IGSF10: variants seen among roughly 807,000 people sequenced by gnomAD.
IGSF10 encodes the protein immunoglobulin superfamily member 10.
In IGSF10, 126 loss-of-function variants were observed where a neutral mutation model predicts 128.2. The ratio of observed to expected loss-of-function variants is 0.98; its 90% CI spans 0.85 to 1.14. The LOEUF is 1.14. Among genes scored for constraint, IGSF10 ranks in the 50% most tolerant of loss-of-function variants. The probability of loss-of-function intolerance (pLI) is 0.00; values close to 1 mark genes in which losing one functional copy is unlikely to be tolerated. For missense variants in IGSF10, 3,295 were observed against 3,149.8 expected, an observed-to-expected ratio of 1.05 and a Z score of -1.10; for synonymous variants, 1,185 against 1,146.2, an observed-to-expected ratio of 1.03 and a Z score of -0.68.
chr3:151,562,605 GGAAGTACCTTCTA>G, the IGSF10 span, among the ~76,000 whole-genome samples: 1 of 152,008 alleles, frequency 6.6e-6, no homozygotes, highest in African/African-American at 2.4e-5. Context: ...CTCATTTTAA[GGAAGTACCTTCTA>G]AAGGTACTTC....
chr3:151,539,880 G>A, the IGSF10 span, among the ~76,000 whole-genome samples: 7 of 151,494 alleles, frequency 4.6e-5, no homozygotes, highest in Non-Finnish European at 8.8e-5. Context: ...TCTGTCATTC[G>A]TCTGTCTGTT....
At chr3:151,589,958 T>G in the IGSF10 span, among the ~76,000 whole-genome samples, 1 of 151,476 alleles carries the variant, frequency 6.6e-6, no homozygotes, top group Admixed American at 6.6e-5. Flanking sequence ...AAGAGTTTAC[T>G]TTTTTTTTAA....
At chr3:151,473,721 G>A in the IGSF10 span, among the ~76,000 whole-genome samples, 5 of 152,144 alleles carry the variant, frequency 3.3e-5, no homozygotes, top group Admixed American at 2.6e-4. Context: ...AATGTAACTA[G>A]GGGGCCCTTT....
chr3:151,570,916 G>T, the IGSF10 span, among the ~76,000 whole-genome samples: 8 of 152,122 alleles, frequency 5.3e-5, no homozygotes, highest in African/African-American at 1.9e-4. Flanking sequence ...TTTGTATAAG[G>T]TGTAAGGAAG....
chr3:151,475,027 C>T, the IGSF10 span, among the ~76,000 whole-genome samples: 1 of 152,270 alleles, frequency 6.6e-6, no homozygotes, highest in African/African-American at 2.4e-5. Context: ...TATTAAGGAG[C>T]ATGTCTTAGG....
At chr3:151,453,064 C>T (rs144143660) in intron 5 of IGSF10, among the ~76,000 whole-genome samples, 12 of 152,078 alleles carry the variant, frequency 7.9e-5, no homozygotes, top group African/African-American at 2.9e-4. Context: ...GAGGATAGGC[C>T]AGCACCACAC....
the IGSF10 span, among the ~76,000 whole-genome samples, chr3:151,608,889 G>A: frequency 6.6e-6 from 1 of 152,188 alleles, no homozygotes; most frequent in Non-Finnish European, 1.5e-5. Flanking sequence ...TTAGATCACT[G>A]ATTCAAAATT....
the IGSF10 span, among the ~76,000 whole-genome samples, chr3:151,483,595 A>G: frequency 6.6e-6 from 1 of 152,132 alleles, no homozygotes; most frequent in African/African-American, 2.4e-5. Context: ...TGATTTCTAT[A>G]TTTCTAACTG....
chr3:151,561,274 T>G, the IGSF10 span, among the ~76,000 whole-genome samples: 5 of 152,310 alleles, frequency 3.3e-5, no homozygotes, highest in Middle Eastern at 3.4e-3. Flanking sequence ...TGTTTCTTGC[T>G]AAAGTAAAGG....
the IGSF10 span, among the ~76,000 whole-genome samples, chr3:151,545,128 T>C: frequency 1.3e-5 from 2 of 152,338 alleles, no homozygotes; most frequent in African/African-American, 4.8e-5. Context: ...GCATATTAGT[T>C]ACATAATTTT....
At chr3:151,475,116 G>T in the IGSF10 span, among the ~76,000 whole-genome samples, 8 of 152,114 alleles carry the variant, frequency 5.3e-5, no homozygotes, top group African/African-American at 1.9e-4. Flanking sequence ...TAAATGTTTT[G>T]TATATAGCCA....
At chr3:151,599,330 T>C in the IGSF10 span, among the ~76,000 whole-genome samples, 3 of 152,148 alleles carry the variant, frequency 2.0e-5, no homozygotes, top group Admixed American at 1.3e-4. Flanking sequence ...TAGGAGGAAC[T>C]GGCCTGCGGG....
chr3:151,466,071 A>G, the IGSF10 span, among the ~76,000 whole-genome samples: 1 of 152,292 alleles, frequency 6.6e-6, no homozygotes, highest in South Asian at 2.1e-4. Flanking sequence ...GCATCCCTGT[A>G]GTCTCTCTGA....
At chr3:151,583,414 A>G in the IGSF10 span, among the ~76,000 whole-genome samples, 4 of 152,336 alleles carry the variant, frequency 2.6e-5, no homozygotes, top group East Asian at 3.9e-4. Flanking sequence ...AAGGTATTTT[A>G]GTACACATTT....
the IGSF10 span, among the ~76,000 whole-genome samples, chr3:151,549,985 G>A: frequency 1.3e-5 from 2 of 152,072 alleles, no homozygotes; most frequent in African/African-American, 4.8e-5. Context: ...GATTGTAAGA[G>A]AGACCTTGGT....
At chr3:151,524,222 G>A in the IGSF10 span, among the ~76,000 whole-genome samples, 1 of 152,128 alleles carries the variant, frequency 6.6e-6, no homozygotes, top group Non-Finnish European at 1.5e-5. Flanking sequence ...GAAGCATAGT[G>A]ATTCCTGAAA....
chr3:151,582,601 G>C, the IGSF10 span, among the ~76,000 whole-genome samples: 2 of 152,106 alleles, frequency 1.3e-5, no homozygotes, highest in Admixed American at 6.5e-5. Context: ...ACCGCAGATA[G>C]TATGCCATTG....
chr3:151,502,502 A>G, the IGSF10 span, among the ~76,000 whole-genome samples: 802 of 152,174 alleles, frequency 5.3e-3, 7 homozygotes, highest in African/African-American at 0.018. Context: ...AACTCTCTCC[A>G]TAGATTTTGC....
the IGSF10 span, among the ~76,000 whole-genome samples, chr3:151,593,365 A>C: frequency 6.6e-6 from 1 of 151,950 alleles, no homozygotes; most frequent in Non-Finnish European, 1.5e-5. Flanking sequence ...TCCTGCCTTC[A>C]CCTCCCAAAG....
Sources: gnomAD v4.1 joint callset for allele counts (sites outside exome capture counted in the v4.1 genomes callset) on GRCh38, gnomAD v4.1.1 for gene constraint, MANE v1.5 for transcripts, NCBI Gene and HGNC (gene_info 2026-07-23, HGNC 2026-07-21) for gene names.